The following FAM193A variants were observed in gnomAD, a reference collection of about 807,000 sequenced individuals.
The protein encoded by FAM193A is protein FAM193A.
FAM193A carries 22 observed loss-of-function variants against 126.5 expected under a neutral mutation model. The observed-to-expected ratio is 0.17, with a 90% CI of 0.12 to 0.25. The LOEUF is 0.25. Ranked by LOEUF, FAM193A falls within the 10% of genes least tolerant of loss-of-function variation. The pLI, the probability that FAM193A is intolerant of heterozygous loss-of-function variation, is 1.00. For synonymous variants in FAM193A, 761 were observed against 646.8 expected (o/e 1.18, Z -2.68); for missense variants, 1,675 against 1,672.8 (o/e 1.00, Z -0.02).
chr4:2,700,010 C>T lies in FAM193A; in HGVS notation c.3838C>T (p.His1280Tyr). The T allele has an allele frequency of 1.2e-6, 2 of 1,613,810 alleles. No individual in the cohort carries two copies. The highest frequency in any genetic ancestry group is 4.5e-5 in the East Asian group (2 of 44,840). The change falls in exon 19 of 21, where the codon CAT (histidine) becomes TAT (tyrosine). Residue 1280 changes from histidine (H) to tyrosine (Y), a missense_variant. His to Tyr is a moderately conservative substitution (Grantham distance 83). Transcript: ENST00000637812. ...AACCTCTTCTCACTCCCCATCCAGGCATATGAACCACTCAGAGCCCAGGCC... is the reference window on the plus strand; with the variant it reads ...AACCTCTTCTCACTCCCCATCCAGGTATATGAACCACTCAGAGCCCAGGCC... Reference protein sequence around the residue: ...PETSSHSPSRHMNHSEPRPGL... With the variant: ...PETSSHSPSRYMNHSEPRPGL...
intron 1 of FAM193A, among the ~76,000 whole-genome samples, chr4:2,541,253 A>G (rs935616204): frequency 6.6e-6 from 1 of 151,854 alleles, no homozygotes; most frequent in Non-Finnish European, 1.5e-5. Context: ...AATTGCTTGA[A>G]CCTGGGAGGT....
rs1368611395 is a variant in FAM193A, at chr4:2,699,919, A to G, written c.3747A>G (p.Ala1249=). ...LDMLTRNFQA[A]TESVPNSGNI... is the part of the protein sequence containing the mutation. The stretch of plus-strand genomic sequence containing the variant: ...TGCTCACTAGAAATTTCCAGGCAGC[A>G]ACAGAGTCTGTTCCTAACTCTGGAA... Residue 1249 remains alanine (A), a synonymous_variant, in exon 19 of 21, where the codon GCA becomes GCG. Coordinates refer to ENST00000637812, the MANE Select transcript of FAM193A (RefSeq NM_001366318.2). 1 of 1,614,128 alleles carries G rather than the reference A, an allele frequency of 6.2e-7. No individual in the cohort carries two copies. The highest frequency in any genetic ancestry group is 1.3e-5 in the African/African-American group (1 of 75,014).
At chr4:2,603,241 T>A (rs1358733651) in intron 2 of FAM193A, among the ~76,000 whole-genome samples, 1 of 149,376 alleles carries the variant, frequency 6.7e-6, no homozygotes, top group African/African-American at 2.5e-5. Flanking sequence ...CACCTCGGCC[T>A]CCTGATTGCT....
intron 2 of FAM193A, among the ~76,000 whole-genome samples, chr4:2,601,227 CTT>C (rs1201989388): frequency 9.0e-5 from 10 of 110,672 alleles, no homozygotes; most frequent in South Asian, 3.1e-4. Flanking sequence ...TCTTCTTCTT[CTT>C]TTTTTTTTTT....
chr4:2,602,353 C>CTTTTTT (rs35168097), intron 2 of FAM193A, among the ~76,000 whole-genome samples: 8 of 128,554 alleles, frequency 6.2e-5, no homozygotes, highest in Non-Finnish European at 1.2e-4. Context: ...ATGTTCTGTT[C>CTTTTTT]TTTTTTTTTT....
intron 2 of FAM193A, among the ~76,000 whole-genome samples, chr4:2,612,422 C>T (rs1741934605): frequency 6.6e-6 from 1 of 151,944 alleles, no homozygotes; most frequent in African/African-American, 2.4e-5. Context: ...TCACTTGAAC[C>T]CAGGAGGTGG....
chr4:2,665,673 G>A (rs1005958853), intron 12 of FAM193A, among the ~76,000 whole-genome samples: 3 of 151,970 alleles, frequency 2.0e-5, no homozygotes, highest in African/African-American at 7.3e-5. Context: ...CTACAGGCAT[G>A]CGCCACCACG....
At chr4:2,601,655 G>A (rs116531539) in intron 2 of FAM193A, among the ~76,000 whole-genome samples, 1,573 of 151,250 alleles carry the variant, frequency 0.01, 14 homozygotes, top group Non-Finnish European at 0.014. Flanking sequence ...TTGGGAGGCC[G>A]AAGCAGGAGG....
At chr4:2,613,966 G>T (rs560770372) in intron 2 of FAM193A, among the ~76,000 whole-genome samples, 42 of 150,296 alleles carry the variant, frequency 2.8e-4, no homozygotes, top group Non-Finnish European at 5.0e-4. Context: ...GTAGAGACGG[G>T]GTTTCACCAT....
At chr4:2,719,345 C>CA (rs1012975188) in intron 20 of FAM193A, among the ~76,000 whole-genome samples, 12 of 151,562 alleles carry the variant, frequency 7.9e-5, no homozygotes, top group East Asian at 1.9e-4. Flanking sequence ...GTGTAATTTT[C>CA]AAAAAAAAGA....
chr4:2,623,025 C>T (rs1742648014), intron 2 of FAM193A, among the ~76,000 whole-genome samples: 1 of 152,028 alleles, frequency 6.6e-6, no homozygotes, highest in Admixed American at 6.6e-5. Context: ...CAACCCCCTA[C>T]CACTGCTGTC....
At position 2,655,114 on chromosome 4, in the gene FAM193A, G is replaced by T. The variant is rs976837048; in HGVS notation, c.1312-2689G>T. On this transcript the variant is annotated intron_variant, in intron 7 of 20. Transcript: ENST00000637812. ...ATACTGGCACCCTTGTCCAGTCCTG[G>T]CTTCGAGGGGCTGCTGTGAGTGTTT... 8.6e-6 allele frequency: 6 copies of T among 699,406 alleles called. No homozygotes were observed. The East Asian group carries it at 1.6e-4, about 19-fold the overall frequency. The allele number at this position is 699,406 out of a possible 1,614,324, so 43.3% of individuals were successfully genotyped here.
Position 2,694,986 on chromosome 4 carries a change from T to G in FAM193A, c.3133T>G (p.Tyr1045Asp), listed in dbSNP as rs756872724. The change falls in exon 17 of 21, where the codon TAC becomes GAC. Residue 1045 changes from tyrosine to aspartate, a missense_variant. Physicochemically the swap from Tyr to Asp is radical, Grantham distance 160 (BLOSUM62 -3). This residue lies in a region of FAM193A where 1,186 missense variants were observed against 1,109.2 expected (regional missense o/e 1.07). Coordinates refer to ENST00000637812, the MANE Select transcript of FAM193A (RefSeq NM_001366318.2). ...AGGGCACCGCTGCGAGAATGGTGTC[T>G]ACGACCCACAGCAGGATGATGGGGA... Reference protein sequence around the residue: ...CEGHRCENGVYDPQQDDGDES... With the variant: ...CEGHRCENGVDDPQQDDGDES... 1.2e-6 allele frequency: 2 copies of G among 1,606,306 alleles called. No individual in the cohort carries two copies. The highest frequency in any genetic ancestry group is 1.7e-6 in the Non-Finnish European group (2 of 1,176,862).
At chr4:2,681,468 T>C (rs1277604441) in intron 13 of FAM193A, among the ~76,000 whole-genome samples, 1 of 152,178 alleles carries the variant, frequency 6.6e-6, no homozygotes, top group East Asian at 1.9e-4. Context: ...GTTGTTGTTA[T>C]TGAGACAAAG....
intron 15 of FAM193A, among the ~76,000 whole-genome samples, chr4:2,691,349 G>A (rs1442717196): frequency 6.6e-6 from 1 of 152,184 alleles, no homozygotes; most frequent in African/African-American, 2.4e-5. Flanking sequence ...CCAAGTAGCT[G>A]GGACTATAGG....
chr4:2,659,924 C>A lies in FAM193A; in HGVS notation c.1615C>A (p.Pro539Thr). 2 of 1,614,192 alleles carry A rather than the reference C, an allele frequency of 1.2e-6. No homozygotes were observed. The highest frequency in any genetic ancestry group is 1.1e-5 in the South Asian group (1 of 91,084). The part of the protein sequence containing the change: ...HQLPLQVDPA[P>T]DYLAERSPPS... ...GCTCCCACTTCAAGTGGATCCTGCT[C>A]CTGACTATCTTGCTGAGAGGAGCCC... The change falls in exon 10 of 21, where the codon CCT becomes ACT. Residue 539 changes from proline (P) to threonine (T), a missense_variant. Pro to Thr is a conservative substitution (Grantham distance 38, BLOSUM62 -1). This residue lies in a region of FAM193A where 1,186 missense variants were observed against 1,109.2 expected (regional missense o/e 1.07). Coordinates refer to ENST00000637812, the MANE Select transcript of FAM193A (RefSeq NM_001366318.2).
chr4:2,681,973 T>C (rs112273681), intron 13 of FAM193A, among the ~76,000 whole-genome samples: 1 of 132,320 alleles, frequency 7.6e-6, no homozygotes, highest in Non-Finnish European at 1.6e-5. Flanking sequence ...CTTCTCAGGG[T>C]TTTTTTTTTT....
intron 20 of FAM193A, among the ~76,000 whole-genome samples, chr4:2,721,362 C>T (rs984232591): frequency 7.4e-5 from 11 of 149,276 alleles, no homozygotes; most frequent in Non-Finnish European, 1.6e-4. Flanking sequence ...GTGGTACATG[C>T]CTGTAGTCCC....
chr4:2,654,833 C>T (rs1252260928), intron 7 of FAM193A: 8 of 364,222 alleles, frequency 2.2e-5, no homozygotes, highest in South Asian at 9.1e-5. Context: ...CTGCTATGAC[C>T]GGCATCTTGA....
Sources: allele counts gnomAD v4.1 joint callset (sites outside exome capture counted in the v4.1 genomes callset), GRCh38; gene constraint gnomAD v4.1.1; regional missense constraint gnomAD v4.1.1; transcripts MANE v1.5; gene names NCBI Gene and HGNC (gene_info 2026-07-23, HGNC 2026-07-21).